Variants in BMP2K observed in about 807,000 individuals in gnomAD.
BMP2K encodes BMP2 inducible kinase.
A neutral mutation model predicts 116.0 loss-of-function variants in BMP2K; 74 were observed. The observed-to-expected ratio is 0.64, with a 90% CI of 0.53 to 0.77. The LOEUF (loss-of-function observed/expected upper bound fraction) is 0.77, where lower values mean the gene tolerates loss of function less well. Ranked by LOEUF, BMP2K falls within the 30% of genes least tolerant of loss-of-function variation. The pLI is 0.00. For missense variants in BMP2K, 1,365 were observed against 1,403.6 expected (o/e 0.97, Z 0.44); for synonymous variants, 486 against 502.5 (o/e 0.97, Z 0.44).
chr4:78,885,521 C>T (rs918639109), intron 14 of BMP2K, among the ~76,000 whole-genome samples: 1 of 152,156 alleles, frequency 6.6e-6, no homozygotes, highest in South Asian at 2.1e-4. Flanking sequence ...GCTGCTTGAA[C>T]TTGGGGCTTT....
chr4:78,842,741 TG>T (rs1369745619), intron 4 of BMP2K, among the ~76,000 whole-genome samples: 1 of 152,042 alleles, frequency 6.6e-6, no homozygotes, highest in Non-Finnish European at 1.5e-5. Context: ...AGGCAGATTT[TG>T]TACCTTCTAC....
intron 6 of BMP2K, 46 bp from the exon 7 acceptor site, chr4:78,850,878 T>G (rs1731217063): frequency 2.5e-6 from 4 of 1,592,672 alleles, no homozygotes; most frequent in Non-Finnish European, 3.4e-6. Context: ...TTTTTGTGTC[T>G]TGTTAACTTG....
At chr4:78,813,546 C>T (rs905232968) in intron 1 of BMP2K, among the ~76,000 whole-genome samples, 6 of 152,226 alleles carry the variant, frequency 3.9e-5, no homozygotes, top group South Asian at 2.1e-4. Flanking sequence ...TTATTCTGCT[C>T]TAGGCTTTCT....
At chr4:78,878,704 T>A in intron 13 of BMP2K, 30 bp from the exon 14 acceptor site, 1 of 1,523,332 alleles carries the variant, frequency 6.6e-7, no homozygotes, top group Non-Finnish European at 8.9e-7. Flanking sequence ...TCTTTCCATC[T>A]TCTTTTTTCT....
intron 1 of BMP2K, among the ~76,000 whole-genome samples, chr4:78,797,917 G>T (rs1032868227): frequency 1.3e-5 from 2 of 151,960 alleles, no homozygotes; most frequent in East Asian, 1.9e-4. Flanking sequence ...CAAACTCCTG[G>T]GCTCAATTGA....
intron 3 of BMP2K, among the ~76,000 whole-genome samples, chr4:78,840,314 C>T (rs1730697693): frequency 6.6e-6 from 1 of 151,640 alleles, no homozygotes; most frequent in African/African-American, 2.4e-5. Context: ...TTTGCAGTTG[C>T]AAGATTTAAT....
intron 10 of BMP2K, among the ~76,000 whole-genome samples, chr4:78,866,267 C>T (rs767117541): frequency 1.2e-4 from 19 of 152,064 alleles, no homozygotes; most frequent in African/African-American, 1.9e-4. Context: ...AAGAAATGTC[C>T]GTAACATTTG....
intron 15 of BMP2K, among the ~76,000 whole-genome samples, chr4:78,906,719 C>T (rs1734305121): frequency 6.6e-6 from 1 of 152,018 alleles, no homozygotes; most frequent in South Asian, 2.1e-4. Flanking sequence ...ACCACTGGGC[C>T]CAGAAAAGTT....
Position 78,865,703 on chromosome 4 carries a change from G to C in BMP2K, c.1214G>C (p.Gly405Ala), listed in dbSNP as rs1349450944. The C allele has an allele frequency of 6.2e-7, 1 of 1,614,002 alleles. No homozygotes were observed. The highest frequency in any genetic ancestry group is 1.3e-5 in the African/African-American group (1 of 75,024). ...PVKVLAPGEFGNHRPKGALRP... is the reference protein window; with the variant it reads ...PVKVLAPGEFANHRPKGALRP... ...AAAGTCCTTGCTCCTGGTGAATTCG[G>C]TAACCATAGACCAAAAGGTAATAGA... Residue 405 changes from glycine (G) to alanine (A), a missense_variant, in exon 10 of 16, where the codon GGT becomes GCT. Physicochemically the swap from Gly to Ala is moderately conservative, Grantham distance 60. Transcript: ENST00000502613.
At chr4:78,859,264 G>A (rs887478081) in intron 7 of BMP2K, 2 of 195,168 alleles carry the variant, frequency 1.0e-5, no homozygotes, top group Admixed American at 1.2e-4. Context: ...TATGGCCTTG[G>A]AACTTTCTTG....
chr4:78,895,826 A>G (rs1733672637), intron 15 of BMP2K, among the ~76,000 whole-genome samples: 1 of 152,104 alleles, frequency 6.6e-6, no homozygotes, highest in Non-Finnish European at 1.5e-5. Flanking sequence ...CAGTGGCATG[A>G]TCACGGTTCA....
At chr4:78,857,263 T>C (rs1731549541) in intron 7 of BMP2K, among the ~76,000 whole-genome samples, 1 of 152,082 alleles carries the variant, frequency 6.6e-6, no homozygotes, top group Admixed American at 6.6e-5. Context: ...ATGGAATCAG[T>C]ACAGTTAGAC....
In BMP2K at chr4:78,846,173, G is replaced by A. The variant is rs568977714; in HGVS notation, c.669-1015G>A. 5.9e-5 allele frequency among the ~76,000 whole-genome samples: 9 copies of A among 151,704 alleles called. No homozygotes were observed. The South Asian group carries it at 1.7e-3, about 28-fold the overall frequency. ...AGGTTCAATTGAATGTTTTATTAGC[G>A]ATGAACAAAAGTTCATGAGGGGTTT... On this transcript the variant is annotated intron_variant, in intron 5 of 15. Coordinates refer to ENST00000502613, the MANE Select transcript of BMP2K (RefSeq NM_198892.2).
At chr4:78,822,059 C>T (rs1356434262) in intron 1 of BMP2K, among the ~76,000 whole-genome samples, 1 of 152,130 alleles carries the variant, frequency 6.6e-6, no homozygotes, top group Non-Finnish European at 1.5e-5. Flanking sequence ...ATCTCTAGAG[C>T]AGTGGTTTCC....
intron 1 of BMP2K, among the ~76,000 whole-genome samples, chr4:78,822,193 C>A (rs994304617): frequency 9.2e-5 from 13 of 141,858 alleles, no homozygotes; most frequent in African/African-American, 4.1e-4. Flanking sequence ...TATGATTTTT[C>A]TTAGTTGAAA....
At position 78,910,651 on chromosome 4, in the gene BMP2K, G is replaced by C; in HGVS notation, c.2104G>C (p.Glu702Gln). The C allele has an allele frequency of 6.4e-7, 1 of 1,563,530 alleles. No individual in the cohort carries two copies. Among genetic ancestry groups the C allele is most frequent in the Non-Finnish European group, 8.6e-7 (1 of 1,162,728 alleles). The change falls in exon 16 of 16, where the codon GAA becomes CAA. Residue 702 changes from glutamate to glutamine, a missense_variant. Transcript: ENST00000502613. ...KKAEHSSINQ[E>Q]NGTANPIKNG... is the part of the protein sequence containing the mutation. ...AGCTGAACATTCATCTATAAATCAA[G>C]AAAATGGCACTGCAAACCCTATCAA... is the stretch of plus-strand genomic sequence containing the variant.
chr4:78,827,706 A>G (rs566921851), intron 2 of BMP2K, among the ~76,000 whole-genome samples: 11 of 152,228 alleles, frequency 7.2e-5, no homozygotes, highest in Middle Eastern at 3.4e-3. Context: ...GTGAGTCAGT[A>G]AAAAAACCTC....
chr4:78,848,160 TA>T (rs967717523), intron 6 of BMP2K, among the ~76,000 whole-genome samples: 15 of 150,854 alleles, frequency 9.9e-5, no homozygotes, highest in South Asian at 6.3e-4. Flanking sequence ...GTAAGGTAAT[TA>T]AAAAAAAATC....
At chr4:78,836,973 G>A (rs1730515039) in intron 3 of BMP2K, among the ~76,000 whole-genome samples, 1 of 151,940 alleles carries the variant, frequency 6.6e-6, no homozygotes, top group Admixed American at 6.6e-5. Context: ...GTCATTTTTG[G>A]TATGCTTTTT....
Sources: gnomAD v4.1 joint callset for allele counts (sites outside exome capture counted in the v4.1 genomes callset) on GRCh38, gnomAD v4.1.1 for gene constraint, MANE v1.5 for transcripts, NCBI Gene and HGNC (gene_info 2026-07-23, HGNC 2026-07-21) for gene names.